SNX27: variants seen among roughly 807,000 people sequenced by gnomAD.
SNX27 encodes the protein sorting nexin 27, also known as sorting nexin-27.
SNX27 carries 22 observed loss-of-function variants against 71.6 expected under a neutral mutation model. That is an observed-to-expected ratio of 0.31 (90% CI 0.22 to 0.44). The LOEUF is 0.44. Ranked by LOEUF, SNX27 falls within the 20% of genes least tolerant of loss-of-function variation. The pLI is 1.00. For synonymous variants in SNX27, 269 were observed against 277.2 expected (o/e 0.97, Z 0.29); for missense variants, 531 against 698.6 (o/e 0.76, Z 2.70).
At position 151,633,928 on chromosome 1, in the gene SNX27, C is replaced by T. The variant is rs549326061; in HGVS notation, c.312-4960C>T. Among the ~76,000 whole-genome samples the T allele has an allele frequency of 4.0e-5, 6 of 149,612 alleles. No individual in the cohort carries two copies. In the East Asian group the frequency reaches 5.8e-4, roughly 15 times the overall value. The stretch of plus-strand genomic sequence containing the variant: ...TTTTGTACTATTTTGAATAAAGCTG[C>T]GGTGGACATTCAACTACAGTTGTTT... On this transcript the variant is annotated intron_variant, in intron 1 of 11. Transcript: ENST00000458013.
In SNX27 at chr1:151,612,173, GGC is replaced by G; in HGVS notation, c.-27_-26del. The G allele has an allele frequency of 7.5e-7, 1 of 1,325,292 alleles. No individual in the cohort carries two copies. Among genetic ancestry groups the G allele is most frequent in the Non-Finnish European group, 9.7e-7 (1 of 1,036,182 alleles). The allele number at this position is 1,325,292 out of a possible 1,614,324, so 82.1% of individuals were successfully genotyped here. A position where few individuals can be genotyped will look rare whatever the true frequency, so the allele number is the denominator to read the frequency against. ...GCCGGGAGGCCTTGGAGGCGTAGGGGGCGGGGGTACGGCTCGCCTGCTCGCAA... is the reference window on the plus strand; with the variant it reads ...GCCGGGAGGCCTTGGAGGCGTAGGGGGGGGGTACGGCTCGCCTGCTCGCAA... On this transcript the variant is annotated 5_prime_UTR_variant, in exon 1 of 12. Coordinates refer to ENST00000458013, the MANE Select transcript of SNX27 (RefSeq NM_001330723.2). The surrounding 1 kb of genome is among the most constrained non-coding windows in gnomAD (Gnocchi z 5.2).
intron 1 of SNX27, among the ~76,000 whole-genome samples, chr1:151,628,014 T>C (rs1307955495): frequency 1.3e-5 from 2 of 151,524 alleles, no homozygotes; most frequent in Admixed American, 6.6e-5. Flanking sequence ...CTGTTTTTTT[T>C]TTTTTTTTTT....
chr1:151,659,318 G>T (rs1338704866), intron 3 of SNX27, among the ~76,000 whole-genome samples: 1 of 151,934 alleles, frequency 6.6e-6, no homozygotes, highest in Non-Finnish European at 1.5e-5. Flanking sequence ...TGTGACCTTG[G>T]CTCACTGCAA....
chr1:151,655,274 A>G (rs539739606), intron 2 of SNX27, among the ~76,000 whole-genome samples: 1 of 152,274 alleles, frequency 6.6e-6, no homozygotes, highest in East Asian at 1.9e-4. Flanking sequence ...TCTAAATTCC[A>G]TGCAGATTTA....
Position 151,698,718 on chromosome 1 carries a change from A to AAGG in SNX27, c.*4303_*4305dup, listed in dbSNP as rs1671899908. On this transcript the variant is annotated 3_prime_UTR_variant, in exon 12 of 12. Coordinates refer to ENST00000458013, the MANE Select transcript of SNX27 (RefSeq NM_001330723.2). ...TATGTGGGAAGGTCAGGGCTGTGGT[A>AAGG]AGGAATAGAATCAAAGAGGGGAGTG... 2 of 152,698 alleles carry AAGG rather than the reference A, an allele frequency of 1.3e-5. No individual in the cohort carries two copies. The highest frequency in any genetic ancestry group is 2.9e-5 in the Non-Finnish European group (2 of 68,046). 9.5% of individuals were successfully genotyped at this position (152,698 alleles called of 1,614,324 possible). A position where few individuals can be genotyped will look rare whatever the true frequency, so the allele number is the denominator to read the frequency against.
Position 151,615,867 on chromosome 1 carries a change from T to C in SNX27, c.311+3355T>C. 4.1e-6 allele frequency: 4 copies of C among 967,534 alleles called. No individual in the cohort carries two copies. In the South Asian group the frequency reaches 1.4e-4, roughly 35 times the overall value. The allele number at this position is 967,534 out of a possible 1,614,324, so 59.9% of individuals were successfully genotyped here. On this transcript the variant is annotated intron_variant, in intron 1 of 11. Transcript: ENST00000458013. ...TACAAACTTGGACACAAGTAAGAGC[T>C]TCAGTTTCTTTGTGTTTCTTTTAAA... is the stretch of plus-strand genomic sequence containing the variant.
chr1:151,652,011 C>T (rs1669414126), intron 2 of SNX27, among the ~76,000 whole-genome samples: 1 of 152,194 alleles, frequency 6.6e-6, no homozygotes, highest in South Asian at 2.1e-4. Flanking sequence ...ACCAGCTCGG[C>T]CAACACAGCG....
chr1:151,676,380 A>G (rs1670704975), intron 7 of SNX27: 1 of 128,218 alleles, frequency 7.8e-6, no homozygotes, highest in Non-Finnish European at 1.6e-5. Flanking sequence ...ATCTCGGCTC[A>G]CTGCAACCTC....
intron 2 of SNX27, among the ~76,000 whole-genome samples, chr1:151,643,725 A>G (rs1275160542): frequency 6.6e-6 from 1 of 151,848 alleles, no homozygotes; most frequent in African/African-American, 2.4e-5. Context: ...CAATAGTGCA[A>G]TCTCGGCTCA....
intron 2 of SNX27, among the ~76,000 whole-genome samples, chr1:151,648,428 C>CT (rs1267917704): frequency 1.3e-5 from 2 of 150,944 alleles, no homozygotes; most frequent in Non-Finnish European, 2.9e-5. Flanking sequence ...TTCTTTCTTT[C>CT]TTTTTTTTGA....
chr1:151,660,597 C>T, intron 3 of SNX27: 3 of 521,744 alleles, frequency 5.7e-6, no homozygotes, highest in Non-Finnish European at 6.9e-6. Context: ...TCTATTATTT[C>T]TTTGTTCTGA....
intron 2 of SNX27, among the ~76,000 whole-genome samples, chr1:151,639,472 G>C (rs6676545): frequency 0.19 from 29,014 of 152,100 alleles, 3,122 homozygotes; most frequent in Middle Eastern, 0.34. Context: ...ATTTACTGTT[G>C]ATTCTGTGGT....
Position 151,624,294 on chromosome 1 carries a change from C to A in SNX27, c.311+11782C>A, listed in dbSNP as rs1019143800. On this transcript the variant is annotated intron_variant, in intron 1 of 11. Coordinates refer to ENST00000458013, the MANE Select transcript of SNX27 (RefSeq NM_001330723.2). ...AATTCTAAAACTAGAATTTTGTATT[C>A]TACTAAGAGTGAAATGGACAGGTTT... is the stretch of plus-strand genomic sequence containing the variant. Among the ~76,000 whole-genome samples, 13 of 151,766 alleles carry A rather than the reference C, an allele frequency of 8.6e-5. No homozygotes were observed. The Middle Eastern group carries it at 0.01, about 119-fold the overall frequency.
chr1:151,618,168 T>C (rs1667514321), intron 1 of SNX27, among the ~76,000 whole-genome samples: 2 of 152,068 alleles, frequency 1.3e-5, no homozygotes, highest in East Asian at 3.9e-4. Flanking sequence ...CTGCTTAAAA[T>C]TCAGTTACAT....
chr1:151,651,278 G>T (rs181359115), intron 2 of SNX27, among the ~76,000 whole-genome samples: 3,327 of 150,188 alleles, frequency 0.022, 143 homozygotes, highest in African/African-American at 0.076. Flanking sequence ...CCTGGCGGGA[G>T]GCTGACCCCC....
In SNX27 at chr1:151,668,404, A is replaced by G. The variant is rs368039884; in HGVS notation, c.986-68A>G. Reference sequence around the variant, plus strand: ...ACATACCATTCTTGATCTGCCTTACATAGTTTATACTAGGGAAGTTTCTTA... The same window carrying G: ...ACATACCATTCTTGATCTGCCTTACGTAGTTTATACTAGGGAAGTTTCTTA... On this transcript the variant is annotated intron_variant, in intron 6 of 11. Coordinates refer to ENST00000458013, the MANE Select transcript of SNX27 (RefSeq NM_001330723.2). 27 of 1,426,096 alleles carry G rather than the reference A, an allele frequency of 1.9e-5. No homozygotes were observed. The African/African-American group carries it at 3.4e-4, about 18-fold the overall frequency. 88.3% of individuals were successfully genotyped at this position (1,426,096 alleles called of 1,614,324 possible).
chr1:151,654,661 C>A (rs886214952), intron 2 of SNX27, among the ~76,000 whole-genome samples: 1 of 152,070 alleles, frequency 6.6e-6, no homozygotes, highest in Non-Finnish European at 1.5e-5. Context: ...GCTTACAGTT[C>A]TAGAGCCTGA....
Position 151,695,469 on chromosome 1 carries a change from G to A in SNX27, c.*1052G>A, listed in dbSNP as rs960246822. 4 of 133,524 alleles carry A rather than the reference G, an allele frequency of 3.0e-5. No individual in the cohort carries two copies. The highest frequency in any genetic ancestry group is 6.1e-5 in the Non-Finnish European group (4 of 65,366). The allele number at this position is 133,524 out of a possible 1,614,324, so 8.3% of individuals were successfully genotyped here. A position where few individuals can be genotyped will look rare whatever the true frequency, so the allele number is the denominator to read the frequency against. ...AGGGTCTTACTCTGTCGCCCAGACT[G>A]GAATGTGGTGGCATGAACATAGCTC... On this transcript the variant is annotated 3_prime_UTR_variant, in exon 12 of 12. Coordinates refer to ENST00000458013, the MANE Select transcript of SNX27 (RefSeq NM_001330723.2).
At chr1:151,641,823 ATG>A (rs1491324178) in intron 2 of SNX27, among the ~76,000 whole-genome samples, 3 of 141,332 alleles carry the variant, frequency 2.1e-5, no homozygotes, top group Non-Finnish European at 4.5e-5. Context: ...TGAGATATAT[ATG>A]TCAGCTATAG....
Sources: allele counts gnomAD v4.1 joint callset (sites outside exome capture counted in the v4.1 genomes callset), GRCh38; gene constraint gnomAD v4.1.1; non-coding constraint Gnocchi (gnomAD v3.1); transcripts MANE v1.5; gene names NCBI Gene and HGNC (gene_info 2026-07-23, HGNC 2026-07-21).